DHX8: variants seen among roughly 807,000 people sequenced by gnomAD.
DHX8 encodes ATP-dependent RNA helicase DHX8.
Under a neutral mutation model 140.7 loss-of-function variants are expected in DHX8, and 67 were observed. The ratio of observed to expected loss-of-function variants is 0.48; its 90% CI spans 0.39 to 0.58. DHX8 has a LOEUF of 0.58. Ranked by LOEUF, DHX8 falls within the 20% of genes least tolerant of loss-of-function variation. The pLI is 0.00. For missense variants in DHX8, 887 were observed against 1,550.7 expected, an observed-to-expected ratio of 0.57 and a Z score of 7.19; for synonymous variants, 533 against 553.2, an observed-to-expected ratio of 0.96 and a Z score of 0.51.
chr17:43,541,494 G>C (rs1207223669), intron 3 of DHX8, among the ~76,000 whole-genome samples: 1 of 151,838 alleles, frequency 6.6e-6, no homozygotes, highest in East Asian at 1.9e-4. Flanking sequence ...AATGCCCAGA[G>C]AGAGAGAAAG....
chr17:43,536,403 T>C, intron 2 of DHX8: 1 of 1,610,176 alleles, frequency 6.2e-7, no homozygotes, highest in Non-Finnish European at 8.5e-7. Context: ...CCCTATACCC[T>C]CTCCCCAGGG....
intron 3 of DHX8, among the ~76,000 whole-genome samples, chr17:43,543,076 G>A (rs1245338234): frequency 1.3e-5 from 2 of 152,122 alleles, no homozygotes; most frequent in Non-Finnish European, 2.9e-5. Flanking sequence ...GAGAAGGAGC[G>A]ATCGGCCTCA....
intron 8 of DHX8, among the ~76,000 whole-genome samples, chr17:43,495,737 A>G (rs1023129348): frequency 6.6e-6 from 1 of 152,100 alleles, no homozygotes; most frequent in African/African-American, 2.4e-5. Flanking sequence ...TGAGCTCCCG[A>G]TATCGTGGGT....
At chr17:43,529,728 A>G (rs774923134), downstream of DHX8, 24 of 1,591,272 alleles carry the variant, frequency 1.5e-5, no homozygotes, top group Middle Eastern at 1.7e-4. Flanking sequence ...TGGTCCCCCA[A>G]GCAACCGCCT....
intron 12 of DHX8, 30 bp from the exon 13 acceptor site, chr17:43,506,973 A>T: frequency 1.3e-6 from 2 of 1,511,158 alleles, no homozygotes; most frequent in Non-Finnish European, 1.8e-6. Flanking sequence ...GCAGATTTTA[A>T]TGACCATATT....
At chr17:43,517,482 G>A (rs1410525969) in intron 18 of DHX8, 160 bp downstream of exon 18, 10 of 791,070 alleles carry the variant, frequency 1.3e-5, no homozygotes, top group African/African-American at 3.5e-5. Flanking sequence ...AGCCTCTCAC[G>A]GCAGGTCTGG....
At chr17:43,496,148 G>T in intron 8 of DHX8, 33 bp from the exon 9 acceptor site, 1 of 1,556,610 alleles carries the variant, frequency 6.4e-7, no homozygotes, top group East Asian at 2.2e-5. Context: ...GATCTTAGCA[G>T]GTTACAAATG....
At position 43,524,289 on chromosome 17, in the gene DHX8, G is replaced by A. The variant is rs1258411762; in HGVS notation, c.*442G>A. 1.3e-5 allele frequency: 13 copies of A among 1,003,546 alleles called. 1 individual carries two copies. Among genetic ancestry groups the A allele is most frequent in the East Asian group, 2.1e-4 (2 of 9,466 alleles). 62.2% of individuals were successfully genotyped at this position (1,003,546 alleles called of 1,614,324 possible). On this transcript the variant is annotated 3_prime_UTR_variant, in exon 23 of 23. Transcript: ENST00000262415. The stretch of plus-strand genomic sequence containing the variant: ...AGCCCCTGTACTTTGGCTTGACCTC[G>A]TGGAAATATTTATTTTCTTAAGGAA...
chr17:43,496,298 A>G lies in DHX8; in HGVS notation c.1300+30A>G, dbSNP rs772149125. 15 of 1,535,284 alleles carry G rather than the reference A, an allele frequency of 9.8e-6. No individual in the cohort carries two copies. The South Asian group carries it at 1.0e-4, about 10-fold the overall frequency. ...CTAGTCAGTTGGATCGAGAAGGGTAATTGGCAAGTTGAGCCATTGAATTGG... is the reference window on the plus strand; with the variant it reads ...CTAGTCAGTTGGATCGAGAAGGGTAGTTGGCAAGTTGAGCCATTGAATTGG... On this transcript the variant is annotated intron_variant, in intron 9 of 22. Coordinates refer to ENST00000262415, the MANE Select transcript of DHX8 (RefSeq NM_004941.3).
intron 18 of DHX8, 174 bp from the exon 19 acceptor site, chr17:43,519,956 A>C: frequency 4.8e-6 from 3 of 624,892 alleles, no homozygotes; most frequent in Non-Finnish European, 5.6e-6. Context: ...TGTGCTTTCT[A>C]TTATAATAGT....
At chr17:43,528,886 G>T, downstream of DHX8, 1 of 713,088 alleles carries the variant, frequency 1.4e-6, no homozygotes, top group Non-Finnish European at 2.4e-6. Context: ...TTCCTGAGAA[G>T]CTGACTCTCC....
At chr17:43,527,598 TATC>T (rs1970654456), downstream of DHX8, among the ~76,000 whole-genome samples, 2 of 152,238 alleles carry the variant, frequency 1.3e-5, no homozygotes, top group African/African-American at 4.8e-5. Context: ...CTGTCCAGGT[TATC>T]AAGTACCCCC....
At chr17:43,488,144 G>A (rs1424573347) in intron 1 of DHX8, among the ~76,000 whole-genome samples, 1 of 152,124 alleles carries the variant, frequency 6.6e-6, no homozygotes. Flanking sequence ...CGGTCATGGT[G>A]GCATGCGCCT....
chr17:43,529,577 T>C, downstream of DHX8: 2 of 1,614,086 alleles, frequency 1.2e-6, no homozygotes, highest in Non-Finnish European at 1.7e-6. Flanking sequence ...TGTTGGGTCA[T>C]CCAGCAAGGC....
At chr17:43,522,253 G>C (rs1164503253) in intron 22 of DHX8, 27 bp downstream of exon 22, 1 of 1,578,110 alleles carries the variant, frequency 6.3e-7, no homozygotes, top group East Asian at 2.2e-5. Context: ...CAGGGTCTAG[G>C]GGCTTTTCTG....
Position 43,507,259 on chromosome 17 carries a change from A to G in DHX8, c.1923+62A>G, listed in dbSNP as rs1364017672. ...AGCAAAGGCCCAGGTCTCTTAATCT[A>G]TCAAATGGAAATATTAATAATACTG... On this transcript the variant is annotated intron_variant, in intron 13 of 22. Coordinates refer to ENST00000262415, the MANE Select transcript of DHX8 (RefSeq NM_004941.3). 7.3e-6 allele frequency: 11 copies of G among 1,505,186 alleles called. No homozygotes were observed. The East Asian group carries it at 2.0e-4, about 28-fold the overall frequency. The allele number at this position is 1,505,186 out of a possible 1,614,324, so 93.2% of individuals were successfully genotyped here.
Position 43,525,318 on chromosome 17 carries a change from C to T in DHX8, c.*1471C>T. ...ACTGTATGCCAGACACTAAGAGAGA[C>T]TATGTAACATTCCAGGATATAAAGG... On this transcript the variant is annotated 3_prime_UTR_variant, in exon 23 of 23. Coordinates refer to ENST00000262415, the MANE Select transcript of DHX8 (RefSeq NM_004941.3). 1.0e-6 allele frequency: 1 copy of T among 985,074 alleles called. No individual in the cohort carries two copies. The highest frequency in any genetic ancestry group is 1.2e-6 in the Non-Finnish European group (1 of 829,634). 61.0% of individuals were successfully genotyped at this position (985,074 alleles called of 1,614,324 possible). A position where few individuals can be genotyped will look rare whatever the true frequency, so the allele number is the denominator to read the frequency against.
chr17:43,533,130 C>T lies in DHX8; in HGVS notation c.351-3282C>T, dbSNP rs909184697. The T allele has an allele frequency of 1.9e-5, 31 of 1,592,430 alleles. No individual in the cohort carries two copies. In the Admixed American group the frequency reaches 4.8e-4, roughly 24 times the overall value. ...ACAGCTCAAGTCTTTATGGAGAACA[C>T]TCAGGAATTGAAAAAACACCTGGGC... On this transcript the variant is annotated intron_variant, in intron 2 of 3. Coordinates refer to the DHX8 transcript ENST00000589898.
intron 1 of DHX8, among the ~76,000 whole-genome samples, chr17:43,484,535 C>T (rs1013342148): frequency 2.0e-5 from 3 of 152,196 alleles, no homozygotes; most frequent in Non-Finnish European, 4.4e-5. Flanking sequence ...TCACTATGTG[C>T]TAGATGCGAT....
Sources: allele counts gnomAD v4.1 joint callset (sites outside exome capture counted in the v4.1 genomes callset), GRCh38; gene constraint gnomAD v4.1.1; transcripts MANE v1.5; gene names NCBI Gene and HGNC (gene_info 2026-07-23, HGNC 2026-07-21).